The following CHD7 variants were observed in gnomAD, a reference collection of about 807,000 sequenced individuals.
CHD7 encodes the protein chromodomain helicase DNA binding protein 7.
In CHD7, 24 loss-of-function variants were observed where a neutral mutation model predicts 307.3. The ratio of observed to expected loss-of-function variants is 0.08; its 90% confidence interval spans 0.06 to 0.11. The LOEUF is 0.11. CHD7 is among the 10% of genes least tolerant of loss of function. CHD7 has a pLI of 1.00. For synonymous variants in CHD7, 1,363 were observed against 1,349.9 expected (o/e 1.01, Z -0.21); for missense variants, 3,106 against 3,727.1 (o/e 0.83, Z 4.34).
At chr8:60,837,267 G>A (rs1284656032) in intron 17 of CHD7, among the ~76,000 whole-genome samples, 2 of 152,190 alleles carry the variant, frequency 1.3e-5, no homozygotes, top group Non-Finnish European at 1.5e-5. Context: ...GATGAGTCTT[G>A]TCATTCTTTG....
At chr8:60,703,679 C>T (rs1806878773) in intron 1 of CHD7, among the ~76,000 whole-genome samples, 1 of 152,188 alleles carries the variant, frequency 6.6e-6, no homozygotes, top group Non-Finnish European at 1.5e-5. Flanking sequence ...AAGGACTGTC[C>T]CGCCAACAAA....
At chr8:60,732,955 C>T (rs1042143344) in intron 1 of CHD7, among the ~76,000 whole-genome samples, 14 of 152,016 alleles carry the variant, frequency 9.2e-5, no homozygotes, top group Non-Finnish European at 1.5e-5. Flanking sequence ...AGATATGAGA[C>T]CTGGTGCAGT....
rs78759420 is a variant in CHD7, at chr8:60,804,079, A to G, written c.2442+2486A>G. ...TCCATTATGATGGAGTTGTGCAAAC[A>G]TAAAACTCACCTGGCAGAGGCACCG... On this transcript the variant is annotated intron_variant, in intron 6 of 37. Transcript: ENST00000423902. Among the ~76,000 whole-genome samples the G allele has an allele frequency of 6.8e-3, 1,029 of 152,340 alleles. 13 individuals are homozygous for G. The highest frequency in any genetic ancestry group is 0.027 in the East Asian group (140 of 5,186).
rs182562349 is a variant in CHD7, at chr8:60,716,051, G to C, written c.-174-25208G>C. Among the ~76,000 whole-genome samples, 16 of 152,282 alleles carry C rather than the reference G, an allele frequency of 1.1e-4. No homozygotes were observed. The East Asian group carries it at 3.1e-3, about 29-fold the overall frequency. On this transcript the variant is annotated intron_variant, in intron 1 of 37. Transcript: ENST00000423902. The stretch of plus-strand genomic sequence containing the variant: ...TCACATTGTGGTATTAGAAACCTTG[G>C]AGTCCTCCTTGACTCTTTCACAAGC...
At chr8:60,824,169 T>C (rs1804168064) in intron 13 of CHD7, 153 bp downstream of exon 13, 1 of 660,642 alleles carries the variant, frequency 1.5e-6, no homozygotes, top group Non-Finnish European at 2.5e-6. Flanking sequence ...TATTCAAAAG[T>C]TGTTGCCTTT....
In CHD7 at chr8:60,852,961, A is replaced by C. The variant is rs377497122; in HGVS notation, c.6236A>C (p.Lys2079Thr). ...CACCCCCAGCTGGGAGAGAGGCTTA[A>C]GCTCTGCCAGCCAAGCTTGGATCTG... ...LHHPQLGERL[K>T]LCQPSLDLPE... Residue 2079 changes from lysine to threonine, a missense_variant, in exon 31 of 38, where the codon AAG becomes ACG. Lys to Thr is a moderately conservative substitution (Grantham distance 78). Coordinates refer to ENST00000423902, the MANE Select transcript of CHD7 (RefSeq NM_017780.4). The C allele has an allele frequency of 1.2e-5, 20 of 1,613,838 alleles. No homozygotes were observed. The highest frequency in any genetic ancestry group is 7.7e-5 in the South Asian group (7 of 91,082).
chr8:60,692,381 T>C (rs1806240948), intron 1 of CHD7, among the ~76,000 whole-genome samples: 3 of 152,254 alleles, frequency 2.0e-5, no homozygotes, highest in African/African-American at 7.2e-5. Context: ...CACTGAGTAA[T>C]TAAAAGCTTG....
Position 60,838,214 on chromosome 8 carries a change from A to G in CHD7, c.4492A>G (p.Ile1498Val), listed in dbSNP as rs776062465. 1.9e-6 allele frequency: 3 copies of G among 1,604,340 alleles called. No homozygotes were observed. The highest frequency in any genetic ancestry group is 1.7e-6 in the Non-Finnish European group (2 of 1,175,384). ...GATCCTCCTACGTCGAACCCACACC[A>G]TTACCATTGAGTCAGAAGGGAAAGG... Reference protein sequence around the residue: ...DQILLRRTHTITIESEGKGST... With the variant: ...DQILLRRTHTVTIESEGKGST... The change falls in exon 19 of 38, where the codon ATT (isoleucine) becomes GTT (valine). Residue 1498 changes from isoleucine to valine, a missense_variant. Physicochemically the swap from Ile to Val is conservative, Grantham distance 29. Around this residue, in one of 10 missense-constraint regions of CHD7, gnomAD observed 93 missense variants for 176.4 expected, o/e 0.53. Coordinates refer to ENST00000423902, the MANE Select transcript of CHD7 (RefSeq NM_017780.4).
intron 14 of CHD7, among the ~76,000 whole-genome samples, chr8:60,829,230 C>T (rs985029717): frequency 4.6e-5 from 7 of 152,322 alleles, no homozygotes; most frequent in African/African-American, 1.4e-4. Context: ...TTCAAGCCTA[C>T]GTATTTTCAC....
rs747778442 is a variant in CHD7 at position 60,715,027 on chromosome 8, G to GT, written c.-174-26225dup. 9.8e-5 allele frequency among the ~76,000 whole-genome samples: 15 copies of GT among 152,336 alleles called. No individual in the cohort carries two copies. In the South Asian group the frequency reaches 1.0e-3, roughly 11 times the overall value. On this transcript the variant is annotated intron_variant, in intron 1 of 37. Coordinates refer to ENST00000423902, the MANE Select transcript of CHD7 (RefSeq NM_017780.4). ...GAGAAATACTCTGTCCGAATGGTTT[G>GT]TTTTTTTGTGTTGGTGGGATTGCTC... is the stretch of plus-strand genomic sequence containing the variant.
chr8:60,758,574 A>G (rs1403037796), intron 2 of CHD7, among the ~76,000 whole-genome samples: 1 of 152,232 alleles, frequency 6.6e-6, no homozygotes, highest in Non-Finnish European at 1.5e-5. Flanking sequence ...AATAAACACC[A>G]TGAGTTACTT....
rs1301296755 is a variant in CHD7 at position 60,861,395 on chromosome 8, T to G, written c.7830+270T>G. 10 of 358,130 alleles carry G rather than the reference T, an allele frequency of 2.8e-5. No homozygotes were observed. In the East Asian group the frequency reaches 4.9e-4, roughly 17 times the overall value. 22.2% of individuals were successfully genotyped at this position (358,130 alleles called of 1,614,324 possible). A position where few individuals can be genotyped will look rare whatever the true frequency, so the allele number is the denominator to read the frequency against. On this transcript the variant is annotated intron_variant, in intron 35 of 37. Coordinates refer to ENST00000423902, the MANE Select transcript of CHD7 (RefSeq NM_017780.4). Reference sequence around the variant, plus strand: ...GCTTCTCCCATCAAACTCATGTGACTTCTTCAGTTATTCTTTCCATGGCAT... The same window carrying G: ...GCTTCTCCCATCAAACTCATGTGACGTCTTCAGTTATTCTTTCCATGGCAT...
intron 1 of CHD7, among the ~76,000 whole-genome samples, chr8:60,722,893 A>G (rs1218772047): frequency 6.6e-6 from 1 of 152,230 alleles, no homozygotes; most frequent in African/African-American, 2.4e-5. Context: ...TCAAAACTCT[A>G]CAAGGGGTAG....
intron 1 of CHD7, among the ~76,000 whole-genome samples, chr8:60,695,180 C>T (rs1014023905): frequency 3.9e-5 from 6 of 152,048 alleles, no homozygotes; most frequent in Admixed American, 3.9e-4. Context: ...AAATAGAAAA[C>T]ATTTGAGCAG....
intron 2 of CHD7, among the ~76,000 whole-genome samples, chr8:60,776,964 A>G (rs1392831492): frequency 1.3e-5 from 2 of 152,202 alleles, no homozygotes; most frequent in Non-Finnish European, 2.9e-5. Flanking sequence ...TTGTATTTTC[A>G]TGAGCCATTT....
At position 60,684,911 on chromosome 8, in the gene CHD7, A is replaced by G. The variant is rs1805805871; in HGVS notation, c.-175+5829A>G. Among the ~76,000 whole-genome samples the G allele has an allele frequency of 1.3e-5, 2 of 152,140 alleles. 1 individual carries two copies. Among genetic ancestry groups the G allele is most frequent in the Admixed American group, 1.3e-4 (2 of 15,284 alleles). ...TGGGGAAATCACAATGATTTGGACT[A>G]GATTGGTGGTGGCCATGGGGATGGA... On this transcript the variant is annotated intron_variant, in intron 1 of 37. Coordinates refer to ENST00000423902, the MANE Select transcript of CHD7 (RefSeq NM_017780.4).
At chr8:60,723,316 G>A (rs1808001217) in intron 1 of CHD7, among the ~76,000 whole-genome samples, 2 of 152,024 alleles carry the variant, frequency 1.3e-5, no homozygotes, top group Admixed American at 1.3e-4. Context: ...TGAAATGTTT[G>A]CCAAATACTC....
intron 1 of CHD7, among the ~76,000 whole-genome samples, chr8:60,683,926 A>G (rs1335183170): frequency 6.6e-6 from 1 of 150,646 alleles, no homozygotes; most frequent in East Asian, 1.9e-4. Context: ...TTTTTTAACT[A>G]TGATTATCCA....
intron 2 of CHD7, among the ~76,000 whole-genome samples, chr8:60,766,894 G>A (rs1303107541): frequency 6.6e-6 from 1 of 152,186 alleles, no homozygotes; most frequent in African/African-American, 2.4e-5. Context: ...TGACATATAG[G>A]TAGTATTTAA....
Sources: allele counts gnomAD v4.1 joint callset (sites outside exome capture counted in the v4.1 genomes callset), GRCh38; gene constraint gnomAD v4.1.1; regional missense constraint gnomAD v4.1.1; transcripts MANE v1.5; gene names NCBI Gene and HGNC (gene_info 2026-07-23, HGNC 2026-07-21).